Variants in ATRX observed in about 807,000 individuals in gnomAD.
The protein encoded by ATRX is chromatin remodeler ATRX.
Under a neutral mutation model 172.6 loss-of-function variants are expected in ATRX, and 12 were observed. The observed-to-expected ratio is 0.07, with a 90% CI of 0.04 to 0.11. The LOEUF (loss-of-function observed/expected upper bound fraction) is 0.11, where lower values mean the gene tolerates loss of function less well. ATRX is among the 10% of genes least tolerant of loss of function. ATRX has a pLI of 1.00. For missense variants in ATRX, 1,368 were observed against 1,767.4 expected, an observed-to-expected ratio of 0.77 and a Z score of 4.05; for synonymous variants, 674 against 594.7, an observed-to-expected ratio of 1.13 and a Z score of -1.94.
At chrX:77,639,899 G>A (rs191667654) in intron 15 of ATRX, among the ~76,000 whole-genome samples, 2 of 112,327 alleles carry the variant, frequency 1.8e-5, no homozygotes, top group Admixed American at 9.4e-5. Flanking sequence ...TCATTGCCAT[G>A]CTATTCACAA....
intron 2 of ATRX, among the ~76,000 whole-genome samples, chrX:77,701,939 C>G (rs1238078469): frequency 9.2e-6 from 1 of 108,590 alleles, no homozygotes; most frequent in East Asian, 2.9e-4. Context: ...GGTGGCGCAT[C>G]CCTGTAATCC....
At chrX:77,723,196 G>A (rs1557170252) in intron 1 of ATRX, among the ~76,000 whole-genome samples, 1 of 111,208 alleles carries the variant, frequency 9.0e-6, no homozygotes, top group Non-Finnish European at 1.9e-5. Flanking sequence ...TTAGGGGTTG[G>A]GGGAGGGATA....
chrX:77,672,036 T>C (rs1403567627), intron 10 of ATRX, among the ~76,000 whole-genome samples: 2 of 110,683 alleles, frequency 1.8e-5, no homozygotes, highest in Non-Finnish European at 3.8e-5. Flanking sequence ...CTTAAATGAC[T>C]TGCAATACTT....
chrX:77,649,451 A>C (rs2069097669), intron 15 of ATRX, among the ~76,000 whole-genome samples: 1 of 112,378 alleles, frequency 8.9e-6, no homozygotes, highest in Admixed American at 9.4e-5. Context: ...TGAAAGTCAC[A>C]AAGAATTTAT....
rs554448289 is a variant in ATRX, at chrX:77,653,004, TA to T, written c.4318-652del. Among the ~76,000 whole-genome samples, 632 of 68,954 alleles carry T rather than the reference TA, an allele frequency of 9.2e-3. 2 individuals are homozygous for T. Among genetic ancestry groups the T allele is most frequent in the African/African-American group, 0.023 (420 of 18,594 alleles). The allele number at this position is 68,954 out of a possible 115,157, so 59.9% of individuals were successfully genotyped here. A position where few individuals can be genotyped will look rare whatever the true frequency, so the allele number is the denominator to read the frequency against. On this transcript the variant is annotated intron_variant, in intron 14 of 34. Coordinates refer to ENST00000373344, the MANE Select transcript of ATRX (RefSeq NM_000489.6). ...TCCCACTCATTAGGATGTTTCTTGT[TA>T]AAAAAAAAAAAAAAAAGAAAAAAAG... is the stretch of plus-strand genomic sequence containing the variant.
At chrX:77,723,599 A>G (rs1408560251) in intron 1 of ATRX, among the ~76,000 whole-genome samples, 2 of 111,522 alleles carry the variant, frequency 1.8e-5, no homozygotes, top group African/African-American at 6.5e-5. Context: ...ATTCTTTCAG[A>G]TAAGAGTCAG....
Position 77,714,993 on chromosome X carries a change from A to T in ATRX, c.133+2138T>A, listed in dbSNP as rs1041163535. 2.7e-5 allele frequency among the ~76,000 whole-genome samples: 3 copies of T among 111,760 alleles called. No homozygotes were observed. The South Asian group carries it at 1.1e-3, about 42-fold the overall frequency. ...CCTGTATTTTGGTGTTGCCATTTCAAATTATTTTCTTTCTCATTTCAGAAA... is the reference window on the plus strand; with the variant it reads ...CCTGTATTTTGGTGTTGCCATTTCATATTATTTTCTTTCTCATTTCAGAAA... On this transcript the variant is annotated intron_variant, in intron 2 of 34. Transcript: ENST00000373344.
chrX:77,620,580 G>C (rs2067539243), intron 19 of ATRX, 48 bp from the exon 20 acceptor site: 1 of 1,066,725 alleles, frequency 9.4e-7, no homozygotes, highest in Admixed American at 2.5e-5. Context: ...TAATAAAACT[G>C]AAAATGTGAT....
chrX:77,729,239 T>A (rs1210165867), intron 1 of ATRX, among the ~76,000 whole-genome samples: 2 of 109,123 alleles, frequency 1.8e-5, no homozygotes, highest in Non-Finnish European at 3.8e-5. Context: ...AAAGTTCAAA[T>A]AATATGGAAA....
At position 77,523,154 on chromosome X, in the gene ATRX, TATTA is replaced by T. The variant is rs1557042294; in HGVS notation, c.6849+94_6849+97del. On this transcript the variant is annotated intron_variant, in intron 31 of 34. Coordinates refer to ENST00000373344, the MANE Select transcript of ATRX (RefSeq NM_000489.6). Reference sequence around the variant, plus strand: ...GGGAATGTGTTCCTAAAACCCACTATATTATTATTACCTGTTTCAAATGTGACCC... The same window carrying T: ...GGGAATGTGTTCCTAAAACCCACTATTTATTACCTGTTTCAAATGTGACCC... 5.9e-5 allele frequency: 63 copies of T among 1,066,820 alleles called. No individual in the cohort carries two copies. In the African/African-American group the frequency reaches 1.1e-3, roughly 19 times the overall value. The allele number at this position is 1,066,820 out of a possible 1,213,427, so 87.9% of individuals were successfully genotyped here. A position where few individuals can be genotyped will look rare whatever the true frequency, so the allele number is the denominator to read the frequency against.
chrX:77,521,346 T>G (rs926869740), intron 33 of ATRX, 57 bp downstream of exon 33: 2 of 931,689 alleles, frequency 2.1e-6, no homozygotes, highest in Non-Finnish European at 3.1e-6. Context: ...AAAATGGCAG[T>G]AGGGGGTGGA....
chrX:77,590,704 C>T (rs1341255142), intron 26 of ATRX, among the ~76,000 whole-genome samples: 6 of 109,082 alleles, frequency 5.5e-5, no homozygotes, highest in African/African-American at 1.7e-4. Context: ...TGAACATCCA[C>T]ATGAAAAAAA....
chrX:77,523,161 A>T, intron 31 of ATRX, 91 bp downstream of exon 31: 1 of 1,065,861 alleles, frequency 9.4e-7, no homozygotes, highest in Non-Finnish European at 1.3e-6. Context: ...CTATATTATT[A>T]TTACCTGTTT....
chrX:77,628,768 T>C (rs782203887), intron 19 of ATRX, among the ~76,000 whole-genome samples: 1 of 111,357 alleles, frequency 9.0e-6, no homozygotes, highest in East Asian at 2.8e-4. Flanking sequence ...CCACCACACC[T>C]GGTTAATTCT....
chrX:77,650,488 G>T (rs1277287371), intron 15 of ATRX, among the ~76,000 whole-genome samples: 1 of 111,812 alleles, frequency 8.9e-6, no homozygotes, highest in African/African-American at 3.2e-5. Flanking sequence ...GAAAAAGAAA[G>T]AACCAAAGAG....
intron 30 of ATRX, among the ~76,000 whole-genome samples, chrX:77,536,053 T>C (rs1557048268): frequency 9.1e-6 from 1 of 109,732 alleles, no homozygotes; most frequent in Non-Finnish European, 1.9e-5. Flanking sequence ...TCTTTTGTTT[T>C]TTAAGAGACA....
chrX:77,532,450 A>G (rs1023994810), intron 30 of ATRX, among the ~76,000 whole-genome samples: 2 of 111,412 alleles, frequency 1.8e-5, no homozygotes, highest in Non-Finnish European at 3.8e-5. Context: ...ACATCGACCA[A>G]TGGAATGGAA....
intron 10 of ATRX, among the ~76,000 whole-genome samples, chrX:77,667,036 A>G (rs1487715235): frequency 9.0e-6 from 1 of 110,943 alleles, no homozygotes; most frequent in Non-Finnish European, 1.9e-5. Context: ...ATTTATTAAT[A>G]TTCAGTGAAA....
At chrX:77,750,686 C>A (rs1557187145) in intron 1 of ATRX, among the ~76,000 whole-genome samples, 1 of 109,369 alleles carries the variant, frequency 9.1e-6, no homozygotes, top group East Asian at 2.9e-4. Context: ...CCTTGCCCCC[C>A]AACCCCTGAC....
Sources: gnomAD v4.1 joint callset for allele counts (sites outside exome capture counted in the v4.1 genomes callset) on GRCh38, gnomAD v4.1.1 for gene constraint, MANE v1.5 for transcripts, NCBI Gene and HGNC (gene_info 2026-07-23, HGNC 2026-07-21) for gene names.